Variants in SMARCD1 observed in about 807,000 individuals in gnomAD.
The protein encoded by SMARCD1 is SWI/SNF-related matrix-associated actin-dependent regulator of chromatin subfamily D member 1.
A neutral mutation model predicts 70.8 loss-of-function variants in SMARCD1; 16 were observed. The ratio of observed to expected loss-of-function variants is 0.23; its 90% CI spans 0.15 to 0.34. SMARCD1 has a LOEUF of 0.34. SMARCD1 is among the 10% of genes least tolerant of loss of function. SMARCD1 has a pLI of 1.00. For synonymous variants in SMARCD1, 249 were observed against 246.0 expected (o/e 1.01, Z -0.11); for missense variants, 409 against 655.5 (o/e 0.62, Z 4.11).
intron 9 of SMARCD1, among the ~76,000 whole-genome samples, chr12:50,091,854 A>T (rs1408732831): frequency 6.6e-6 from 1 of 152,220 alleles, no homozygotes; most frequent in Non-Finnish European, 1.5e-5. Context: ...CTGGGATTAC[A>T]GGTGTGAGCC....
At chr12:50,098,479 C>T in intron 11 of SMARCD1, 2 of 537,218 alleles carry the variant, frequency 3.7e-6, no homozygotes, top group Non-Finnish European at 3.3e-6. Flanking sequence ...TCTAAATTTC[C>T]CCTCTTTATA....
In SMARCD1 at chr12:50,088,292, T is replaced by C. The variant is rs756835190; in HGVS notation, c.655-229T>C. Reference sequence around the variant, plus strand: ...ATTTCCCTTGGGCAAATGAGATGGGTAAAACAGTGACCCTCTATGTGTTCT... The same window carrying C: ...ATTTCCCTTGGGCAAATGAGATGGGCAAAACAGTGACCCTCTATGTGTTCT... On this transcript the variant is annotated intron_variant, in intron 5 of 12. Transcript: ENST00000394963. 6 of 702,908 alleles carry C rather than the reference T, an allele frequency of 8.5e-6. No homozygotes were observed. The African/African-American group carries it at 8.7e-5, about 10-fold the overall frequency. 43.5% of individuals were successfully genotyped at this position (702,908 alleles called of 1,614,324 possible).
In SMARCD1 at chr12:50,088,579, A is replaced by T. The variant is rs1950813022; in HGVS notation, c.713A>T (p.Lys238Met). The T allele has an allele frequency of 5.0e-6, 8 of 1,612,242 alleles. No homozygotes were observed. The highest frequency in any genetic ancestry group is 6.8e-6 in the Non-Finnish European group (8 of 1,178,856). Reference sequence around the variant, plus strand: ...AAGAGGAAGTTCTCTTCCTTTTTTAAGTCCTTGGTGATTGAACTGGACAAA... The same window carrying T: ...AAGAGGAAGTTCTCTTCCTTTTTTATGTCCTTGGTGATTGAACTGGACAAA... ...KQKRKFSSFF[K>M]SLVIELDKDL... Residue 238 changes from lysine to methionine, a missense_variant, in exon 6 of 13, where the codon AAG (lysine) becomes ATG (methionine). By Grantham distance (95) the Lys-to-Met change is moderately conservative (BLOSUM62 -1). Coordinates refer to ENST00000394963, the MANE Select transcript of SMARCD1 (RefSeq NM_003076.5).
At chr12:50,087,616 TTCCCTGCACTGA>T (rs1412199046) in intron 5 of SMARCD1, 131 bp downstream of exon 5, 1 of 1,044,730 alleles carries the variant, frequency 9.6e-7, no homozygotes, top group Non-Finnish European at 1.4e-6. Flanking sequence ...AGGGACACTG[TTCCCTGCACTGA>T]AAGACAGTGG....
intron 10 of SMARCD1, 125 bp from the exon 11 acceptor site, chr12:50,096,725 G>T (rs909158860): frequency 2.5e-6 from 2 of 795,432 alleles, no homozygotes; most frequent in Non-Finnish European, 4.0e-6. Context: ...CTATATGATG[G>T]TGCCAGCTGT....
chr12:50,093,628 G>C (rs1310021358), intron 9 of SMARCD1, among the ~76,000 whole-genome samples: 5 of 152,062 alleles, frequency 3.3e-5, no homozygotes, highest in Non-Finnish European at 5.9e-5. Context: ...GACCACAGAT[G>C]TGTGCCACCA....
chr12:50,088,625 C>T lies in SMARCD1; in HGVS notation c.759C>T (p.Asn253=). 1 of 1,579,028 alleles carries T rather than the reference C, an allele frequency of 6.3e-7. No homozygotes were observed. Among genetic ancestry groups the T allele is most frequent in the Non-Finnish European group, 8.7e-7 (1 of 1,150,612 alleles). The change falls in exon 6 of 13, where the codon AAC becomes AAT. Residue 253 remains asparagine (N), a synonymous_variant. Coordinates refer to ENST00000394963, the MANE Select transcript of SMARCD1 (RefSeq NM_003076.5). The stretch of plus-strand genomic sequence containing the variant: ...ACAAAGACCTGTATGGGCCAGACAA[C>T]CATCTGGTAGAAGTGAGTAGCTCTG... ...ELDKDLYGPD[N]HLVEWHRTAT... is the part of the protein sequence containing the mutation.
chr12:50,088,687 C>A, intron 6 of SMARCD1, 50 bp downstream of exon 6: 2 of 1,027,764 alleles, frequency 1.9e-6, no homozygotes, highest in South Asian at 1.3e-5. Flanking sequence ...GGATGATGGA[C>A]TTGGGAGCCG....
chr12:50,086,025 G>A (rs1044688988), intron 1 of SMARCD1, 136 bp from the exon 2 acceptor site: 4 of 580,418 alleles, frequency 6.9e-6, no homozygotes, highest in South Asian at 4.8e-5. Context: ...TGGAGCAAAG[G>A]GTTCTCCTCT....
intron 6 of SMARCD1, chr12:50,089,005 G>A (rs1950817041): frequency 6.4e-6 from 1 of 156,854 alleles, no homozygotes; most frequent in Non-Finnish European, 1.4e-5. Context: ...TAATTAGAGT[G>A]ATTGACTGAT....
chr12:50,087,867 G>T (rs1211794643), intron 5 of SMARCD1, among the ~76,000 whole-genome samples: 1 of 151,744 alleles, frequency 6.6e-6, no homozygotes, highest in Non-Finnish European at 1.5e-5. Context: ...AACTTTCACT[G>T]GAGGCACCCC....
intron 11 of SMARCD1, 121 bp downstream of exon 11, chr12:50,097,093 A>C (rs936740126): frequency 3.2e-6 from 3 of 936,256 alleles, no homozygotes; most frequent in Non-Finnish European, 4.6e-6. Context: ...TTTCTTTAGC[A>C]TGTTCCAGGG....
At chr12:50,096,771 G>T in intron 10 of SMARCD1, 79 bp from the exon 11 acceptor site, 2 of 1,390,222 alleles carry the variant, frequency 1.4e-6, no homozygotes, top group Non-Finnish European at 2.0e-6. Context: ...GTGGCATGTG[G>T]AGTTGTCAGG....
At chr12:50,088,485 C>T (rs1354485062) in intron 5 of SMARCD1, 36 bp from the exon 6 acceptor site, 1 of 1,189,884 alleles carries the variant, frequency 8.4e-7, no homozygotes, top group Non-Finnish European at 1.2e-6. Flanking sequence ...TTTCTTCTGG[C>T]CTTTCCTAAT....
chr12:50,097,273 G>C (rs555033086), intron 11 of SMARCD1, among the ~76,000 whole-genome samples: 1 of 152,204 alleles, frequency 6.6e-6, no homozygotes, highest in South Asian at 2.1e-4. Flanking sequence ...TAGTATAGCC[G>C]GGCATGGTGG....
In SMARCD1 at chr12:50,088,182, C is replaced by T. The variant is rs1307028087; in HGVS notation, c.655-339C>T. 1.0e-5 allele frequency: 7 copies of T among 688,284 alleles called. No individual in the cohort carries two copies. The East Asian group carries it at 1.9e-4, about 19-fold the overall frequency. 42.6% of individuals were successfully genotyped at this position (688,284 alleles called of 1,614,324 possible). On this transcript the variant is annotated intron_variant, in intron 5 of 12. Coordinates refer to ENST00000394963, the MANE Select transcript of SMARCD1 (RefSeq NM_003076.5). ...CTGTTTTTGTTCTGGCTGCTTATTGCCTGTGATTCATTTCCCCTCTAGAGT... is the reference window on the plus strand; with the variant it reads ...CTGTTTTTGTTCTGGCTGCTTATTGTCTGTGATTCATTTCCCCTCTAGAGT...
Position 50,086,822 on chromosome 12 carries a change from C to T in SMARCD1, c.475C>T (p.Gln159Ter). The change falls in exon 4 of 13, where the codon CAG becomes TAG. Residue 159 changes from glutamine (Q) to a stop codon, truncating the protein, a stop_gained. Transcript: ENST00000394963. LOFTEE classifies it high-confidence loss of function. ...CTTGGCTTTTGAAAGGAAACTGGAC[C>T]AGACTATCATGAGGAAACGGCTAGA... Reference protein sequence around the residue: ...DLLAFERKLDQTIMRKRLDIQ... With the variant: ...DLLAFERKLD 1 of 1,613,992 alleles carries T rather than the reference C, an allele frequency of 6.2e-7. No individual in the cohort carries two copies. The highest frequency in any genetic ancestry group is 8.5e-7 in the Non-Finnish European group (1 of 1,179,936).
rs533364565 is a variant in SMARCD1, at chr12:50,090,738, T to G, written c.1133+148T>G. Reference sequence around the variant, plus strand: ...CTTACAATTAAATTACATAAACTTATAATTAAATATATTAGACTAAAAGTG... The same window carrying G: ...CTTACAATTAAATTACATAAACTTAGAATTAAATATATTAGACTAAAAGTG... On this transcript the variant is annotated intron_variant, in intron 9 of 12. Coordinates refer to ENST00000394963, the MANE Select transcript of SMARCD1 (RefSeq NM_003076.5). 2.2e-5 allele frequency: 12 copies of G among 539,982 alleles called. 1 individual carries two copies. In the South Asian group the frequency reaches 2.9e-4, roughly 13 times the overall value. The allele number at this position is 539,982 out of a possible 1,614,324, so 33.4% of individuals were successfully genotyped here. A position where few individuals can be genotyped will look rare whatever the true frequency, so the allele number is the denominator to read the frequency against.
rs900344802 is a variant in SMARCD1, at chr12:50,089,996, G to A, written c.873+11G>A. ...ATGCTGGATTACCAGGTATTCTGTG[G>A]TGGTGTGAGGGGGTCCAGCTTTCAC... is the stretch of plus-strand genomic sequence containing the variant. On this transcript the variant is annotated intron_variant, in intron 7 of 12. Coordinates refer to ENST00000394963, the MANE Select transcript of SMARCD1 (RefSeq NM_003076.5). 1 of 1,599,616 alleles carries A rather than the reference G, an allele frequency of 6.3e-7. No individual in the cohort carries two copies.
Sources: gnomAD v4.1 joint callset for allele counts (sites outside exome capture counted in the v4.1 genomes callset) on GRCh38, gnomAD v4.1.1 for gene constraint, MANE v1.5 for transcripts, NCBI Gene and HGNC (gene_info 2026-07-23, HGNC 2026-07-21) for gene names.